The following MCTP1 variants were observed in gnomAD, a reference collection of about 807,000 sequenced individuals.
MCTP1 encodes the protein multiple C2 and transmembrane domain containing 1.
In MCTP1, 69 loss-of-function variants were observed where a neutral mutation model predicts 120.6. The observed-to-expected ratio is 0.57, with a 90% CI of 0.47 to 0.70. The LOEUF is 0.70. Among genes scored for constraint, MCTP1 ranks in the 30% least tolerant of loss-of-function variants. MCTP1 has a pLI of 0.00. For synonymous variants in MCTP1, 529 were observed against 493.1 expected, an observed-to-expected ratio of 1.07 and a Z score of -0.96; for missense variants, 1,203 against 1,248.8, an observed-to-expected ratio of 0.96 and a Z score of 0.55.
At chr5:94,929,637 T>C (rs183085177) in intron 6 of MCTP1, 4 of 982,576 alleles carry the variant, frequency 4.1e-6, no homozygotes, top group East Asian at 1.1e-4. Context: ...CCCCTTAGTT[T>C]CCCAGGAAGC....
At chr5:94,868,074 T>C in intron 17 of MCTP1, 1 of 282,926 alleles carries the variant, frequency 3.5e-6, no homozygotes, top group Non-Finnish European at 6.5e-6. Context: ...AATTTTACTT[T>C]TTAACTGTCA....
At chr5:94,918,007 G>C (rs764525873) in intron 7 of MCTP1, 34 bp from the exon 8 acceptor site, 19 of 1,558,782 alleles carry the variant, frequency 1.2e-5, no homozygotes, top group Admixed American at 1.7e-5. Flanking sequence ...GCTGTACGGG[G>C]AAGCTTTGTA....
intron 1 of MCTP1, among the ~76,000 whole-genome samples, chr5:95,098,963 C>T (rs896531881): frequency 3.0e-4 from 46 of 152,134 alleles, no homozygotes; most frequent in African/African-American, 7.5e-4. Flanking sequence ...TCAGAAATAA[C>T]GCCGCATATC....
intron 1 of MCTP1, among the ~76,000 whole-genome samples, chr5:95,232,158 T>TAAAAAA (rs35731165): frequency 1.5e-5 from 1 of 66,990 alleles, no homozygotes; most frequent in African/African-American, 5.8e-5. Flanking sequence ...AAGTGATCAC[T>TAAAAAA]AAAAAAAAAA....
intron 19 of MCTP1, among the ~76,000 whole-genome samples, chr5:94,730,939 ACACACACACACTC>A (rs201653975): frequency 0.23 from 33,788 of 146,372 alleles, 3,880 homozygotes; most frequent in East Asian, 0.35. Flanking sequence ...CACACACTCC[ACACACACACACTC>A]CACACACACA....
chr5:95,087,589 C>G (rs1755526611), intron 1 of MCTP1, among the ~76,000 whole-genome samples: 1 of 152,156 alleles, frequency 6.6e-6, no homozygotes, highest in East Asian at 1.9e-4. Context: ...AAATCTTAGC[C>G]TCTACACAAT....
chr5:95,031,674 C>G (rs1840328329), intron 1 of MCTP1, among the ~76,000 whole-genome samples: 1 of 152,096 alleles, frequency 6.6e-6, no homozygotes. Context: ...TATATGCTAT[C>G]ATAAAAACAC....
chr5:95,049,162 G>T (rs946643688), intron 1 of MCTP1, among the ~76,000 whole-genome samples: 14 of 152,072 alleles, frequency 9.2e-5, no homozygotes, highest in Admixed American at 7.9e-4. Flanking sequence ...GAAGTGTGAG[G>T]AGCCCACAGT....
intron 1 of MCTP1, among the ~76,000 whole-genome samples, chr5:95,159,102 G>A (rs527246825): frequency 2.5e-4 from 38 of 152,162 alleles, no homozygotes; most frequent in Admixed American, 1.5e-3. Context: ...ATGACATCAC[G>A]TCTAAAAAAT....
chr5:95,205,044 A>G (rs893881961), intron 1 of MCTP1, among the ~76,000 whole-genome samples: 7 of 152,198 alleles, frequency 4.6e-5, no homozygotes, highest in Non-Finnish European at 1.0e-4. Flanking sequence ...AATTTTGAGA[A>G]AGAACAAAAT....
rs900256888 is a variant in MCTP1 at position 94,705,769 on chromosome 5, C to T, written c.*1727G>A. 1 of 150,256 alleles carries T rather than the reference C, an allele frequency of 6.7e-6. No individual in the cohort carries two copies. Among genetic ancestry groups the T allele is most frequent in the African/African-American group, 2.5e-5 (1 of 40,770 alleles). The allele number at this position is 150,256 out of a possible 1,614,324, so 9.3% of individuals were successfully genotyped here. ...CATAAGGTATAATTGAAAGTTATTT[C>T]AAACAGTTATCTCATCAATAAACTT... On this transcript the variant is annotated 3_prime_UTR_variant, in exon 23 of 23. Transcript: ENST00000515393.
chr5:95,207,306 G>A (rs1751737491), intron 1 of MCTP1, among the ~76,000 whole-genome samples: 1 of 152,198 alleles, frequency 6.6e-6, no homozygotes, highest in Non-Finnish European at 1.5e-5. Context: ...CTCTGGGACA[G>A]AGGAGGGACA....
intron 1 of MCTP1, among the ~76,000 whole-genome samples, chr5:95,271,319 T>C (rs1022626452): frequency 3.3e-5 from 5 of 152,170 alleles, no homozygotes; most frequent in Non-Finnish European, 5.9e-5. Flanking sequence ...ACCCACGACA[T>C]AGGAAGGCTC....
chr5:94,779,426 A>G (rs1362169886), intron 18 of MCTP1, among the ~76,000 whole-genome samples: 1 of 152,144 alleles, frequency 6.6e-6, no homozygotes, highest in Non-Finnish European at 1.5e-5. Flanking sequence ...CATAAGGTAA[A>G]CCAATATTAA....
intron 12 of MCTP1, among the ~76,000 whole-genome samples, chr5:94,880,829 T>C (rs1163190562): frequency 6.6e-6 from 1 of 152,150 alleles, no homozygotes; most frequent in Non-Finnish European, 1.5e-5. Flanking sequence ...TGTATAAAAT[T>C]ATGTCTCTGT....
intron 1 of MCTP1, among the ~76,000 whole-genome samples, chr5:95,192,219 A>C (rs2152534472): frequency 6.6e-6 from 1 of 152,090 alleles, no homozygotes; most frequent in Admixed American, 6.5e-5. Context: ...TTTTTGAGTA[A>C]GTTTTTTCCA....
At position 94,934,744 on chromosome 5, in the gene MCTP1, T is replaced by G. The variant is rs527798535; in HGVS notation, c.1174-2753A>C. ...CTAATCCAAGATAAAGAAGTTTTTTTTTTTTTTTTTTACTCATCAAAGGCC... is the reference window on the plus strand; with the variant it reads ...CTAATCCAAGATAAAGAAGTTTTTTGTTTTTTTTTTTACTCATCAAAGGCC... On this transcript the variant is annotated intron_variant, in intron 5 of 22. Coordinates refer to ENST00000515393, the MANE Select transcript of MCTP1 (RefSeq NM_024717.7). Among the ~76,000 whole-genome samples, 99 of 151,242 alleles carry G rather than the reference T, an allele frequency of 6.5e-4. 1 individual carries two copies. The Middle Eastern group carries it at 0.01, about 16-fold the overall frequency.
At chr5:95,045,600 T>A (rs1306197409) in intron 1 of MCTP1, among the ~76,000 whole-genome samples, 1 of 152,142 alleles carries the variant, frequency 6.6e-6, no homozygotes, top group Non-Finnish European at 1.5e-5. Context: ...TTTAGTGAAC[T>A]TGAATCATGT....
chr5:94,965,650 G>A (rs1352133110), intron 2 of MCTP1, among the ~76,000 whole-genome samples: 1 of 152,082 alleles, frequency 6.6e-6, no homozygotes, highest in African/African-American at 2.4e-5. Flanking sequence ...GTGAATCTGT[G>A]TACAGAGTAC....
Sources: allele counts gnomAD v4.1 joint callset (sites outside exome capture counted in the v4.1 genomes callset), GRCh38; gene constraint gnomAD v4.1.1; transcripts MANE v1.5; gene names NCBI Gene and HGNC (gene_info 2026-07-23, HGNC 2026-07-21).